Variants in ABCC4 observed in about 807,000 individuals in gnomAD.
The protein encoded by ABCC4 is ATP binding cassette subfamily C member 4 (PEL blood group).
A neutral mutation model predicts 168.5 loss-of-function variants in ABCC4; 102 were observed. The ratio of observed to expected loss-of-function variants is 0.61; its 90% CI spans 0.52 to 0.71. ABCC4 has a LOEUF of 0.71. ABCC4 is among the 30% of genes least tolerant of loss of function. ABCC4 has a pLI of 0.00. For missense variants in ABCC4, 1,402 were observed against 1,605.8 expected (o/e 0.87, Z 2.17); for synonymous variants, 617 against 590.7 (o/e 1.04, Z -0.65).
intron 20 of ABCC4, among the ~76,000 whole-genome samples, chr13:95,101,469 G>A (rs2034803930): frequency 6.6e-6 from 1 of 152,020 alleles, no homozygotes; most frequent in Non-Finnish European, 1.5e-5. Context: ...TAGCACACTC[G>A]GAGCACTCCC....
At chr13:95,179,872 T>C (rs1191115424) in intron 11 of ABCC4, among the ~76,000 whole-genome samples, 1 of 152,170 alleles carries the variant, frequency 6.6e-6, no homozygotes, top group Non-Finnish European at 1.5e-5. Flanking sequence ...CAAAATATCC[T>C]GGAGAAACAA....
chr13:95,206,629 A>G lies in ABCC4; in HGVS notation c.1064T>C (p.Val355Ala). 1 of 1,614,184 alleles carries G rather than the reference A, an allele frequency of 6.2e-7. No individual in the cohort carries two copies. Residue 355 changes from valine (V) to alanine (A), a missense_variant, in exon 8 of 31, where the codon GTG (valine) becomes GCG (alanine). By Grantham distance (64) the Val-to-Ala change is moderately conservative. Around this residue, in one of 3 missense-constraint regions of ABCC4, gnomAD observed 78 missense variants for 133.0 expected, o/e 0.59. Coordinates refer to ENST00000645237, the MANE Select transcript of ABCC4 (RefSeq NM_005845.5). ...CAGCCGCACAGCCCCATACAGCGTC[A>G]CTGCCACGAACACGCGGCTGGCTGT... The part of the protein sequence containing the change: ...VITASRVFVA[V>A]TLYGAVRLTV...
chr13:95,100,593 GC>G (rs1183171368), intron 20 of ABCC4, among the ~76,000 whole-genome samples: 2 of 152,174 alleles, frequency 1.3e-5, no homozygotes, highest in Non-Finnish European at 2.9e-5. Flanking sequence ...GTCATCAACT[GC>G]CCTGTCTATT....
intron 1 of ABCC4, among the ~76,000 whole-genome samples, chr13:95,279,278 G>A (rs1211670110): frequency 1.3e-5 from 2 of 152,158 alleles, no homozygotes; most frequent in African/African-American, 2.4e-5. Context: ...AAAGCGCTTC[G>A]CATGTGACTT....
At chr13:95,190,494 A>C (rs1327308149) in intron 9 of ABCC4, among the ~76,000 whole-genome samples, 4 of 152,222 alleles carry the variant, frequency 2.6e-5, no homozygotes, top group African/African-American at 9.6e-5. Context: ...TTACCAGAGC[A>C]TGATAAACCA....
intron 21 of ABCC4, among the ~76,000 whole-genome samples, chr13:95,080,536 C>T (rs1317050931): frequency 6.6e-6 from 1 of 152,096 alleles, no homozygotes; most frequent in African/African-American, 2.4e-5. Flanking sequence ...TGCAATGGCA[C>T]AATCTCAGCT....
At chr13:95,086,087 T>TGTGTGTGTGTG (rs1555309911) in intron 20 of ABCC4, among the ~76,000 whole-genome samples, 2 of 141,988 alleles carry the variant, frequency 1.4e-5, no homozygotes, top group Non-Finnish European at 3.1e-5. Flanking sequence ...TTTAAGGTTA[T>TGTGTGTGTGTG]TGTGTGTGTG....
At chr13:95,088,680 A>G (rs1258891965) in intron 20 of ABCC4, among the ~76,000 whole-genome samples, 2 of 152,130 alleles carry the variant, frequency 1.3e-5, no homozygotes, top group African/African-American at 2.4e-5. Context: ...TGAAAACCTA[A>G]TAATATTAAA....
In ABCC4 at chr13:95,163,998, G is replaced by A. The variant is rs182882786; in HGVS notation, c.2176-351C>T. Among the ~76,000 whole-genome samples, 13 of 139,984 alleles carry A rather than the reference G, an allele frequency of 9.3e-5. No homozygotes were observed. The East Asian group carries it at 2.2e-3, about 23-fold the overall frequency. 91.8% of individuals were successfully genotyped at this position (139,984 alleles called of 152,430 possible). Reference sequence around the variant, plus strand: ...AGAGGTTGAAGTGAGCCAAGATCGCGCCACTGCACTCCAACCTGGGCAACA... The same window carrying A: ...AGAGGTTGAAGTGAGCCAAGATCGCACCACTGCACTCCAACCTGGGCAACA... On this transcript the variant is annotated intron_variant, in intron 16 of 30. Coordinates refer to ENST00000645237, the MANE Select transcript of ABCC4 (RefSeq NM_005845.5).
intron 30 of ABCC4, among the ~76,000 whole-genome samples, chr13:95,034,080 T>C (rs2032013132): frequency 1.3e-5 from 2 of 152,208 alleles, no homozygotes; most frequent in African/African-American, 4.8e-5. Context: ...AACAGTTTTC[T>C]TTACAAATAA....
intron 17 of ABCC4, 72 bp from the exon 18 acceptor site, chr13:95,163,288 AACC>A (rs1469103543): frequency 1.5e-5 from 16 of 1,085,348 alleles, no homozygotes; most frequent in East Asian, 2.5e-5. Flanking sequence ...TTTAAAAATG[AACC>A]ACAATTTGGG....
At chr13:95,240,087 C>G (rs993712200) in intron 3 of ABCC4, among the ~76,000 whole-genome samples, 1 of 152,104 alleles carries the variant, frequency 6.6e-6, no homozygotes, top group Non-Finnish European at 1.5e-5. Context: ...TCACATCAAG[C>G]TTCTAGATCT....
intron 13 of ABCC4, among the ~76,000 whole-genome samples, chr13:95,175,818 A>G (rs2037660729): frequency 6.6e-6 from 1 of 152,134 alleles, no homozygotes; most frequent in African/African-American, 2.4e-5. Flanking sequence ...CAGTCTCCAG[A>G]ACTCTGCAGA....
Position 95,161,290 on chromosome 13 carries a change from AAT to A in ABCC4, c.2352_2353del (p.Leu785GlyfsTer7). ...AGAGTTAACAAGGACGTAGAATACC[AAT>A]AGAGATCTTGCTATGCCAAAAAGAA... On this transcript the variant is annotated frameshift_variant, in exon 19 of 31. Coordinates refer to ENST00000645237, the MANE Select transcript of ABCC4 (RefSeq NM_005845.5). LOFTEE classifies it high-confidence loss of function. 1 of 1,603,204 alleles carries A rather than the reference AAT, an allele frequency of 6.2e-7. No individual in the cohort carries two copies. The highest frequency in any genetic ancestry group is 1.7e-4 in the Middle Eastern group (1 of 6,032).
At chr13:95,039,424 G>A (rs2032264167) in intron 29 of ABCC4, among the ~76,000 whole-genome samples, 1 of 152,122 alleles carries the variant, frequency 6.6e-6, no homozygotes, top group South Asian at 2.1e-4. Flanking sequence ...AGAAAAAAGG[G>A]CATAATCTTG....
At chr13:95,272,892 A>T (rs1372831271) in intron 1 of ABCC4, among the ~76,000 whole-genome samples, 4 of 149,816 alleles carry the variant, frequency 2.7e-5, no homozygotes, top group Non-Finnish European at 5.9e-5. Flanking sequence ...CGTCTCAAAA[A>T]ATAAAAAAAT....
At chr13:95,225,072 T>C (rs1184353570) in intron 4 of ABCC4, among the ~76,000 whole-genome samples, 1 of 151,690 alleles carries the variant, frequency 6.6e-6, no homozygotes, top group Non-Finnish European at 1.5e-5. Context: ...AGACTAACTC[T>C]CATAACCGGA....
At chr13:95,279,075 C>T (rs1397061580) in intron 1 of ABCC4, among the ~76,000 whole-genome samples, 1 of 152,060 alleles carries the variant, frequency 6.6e-6, no homozygotes, top group Non-Finnish European at 1.5e-5. Context: ...TAACCAAATG[C>T]TAAAATGCAC....
chr13:95,136,330 C>T (rs1305798514), intron 19 of ABCC4, among the ~76,000 whole-genome samples: 1 of 152,022 alleles, frequency 6.6e-6, no homozygotes, highest in African/African-American at 2.4e-5. Context: ...AATTTTTGTA[C>T]TTTTTGAAGA....
Sources: gnomAD v4.1 joint callset for allele counts (sites outside exome capture counted in the v4.1 genomes callset) on GRCh38, gnomAD v4.1.1 for gene constraint, gnomAD v4.1.1 regional missense constraint, MANE v1.5 for transcripts, NCBI Gene and HGNC (gene_info 2026-07-23, HGNC 2026-07-21) for gene names.